The following TBC1D15 variants were observed in gnomAD, a reference collection of about 807,000 sequenced individuals.
The protein encoded by TBC1D15 is GAP for RAB7.
Under a neutral mutation model 95.4 loss-of-function variants are expected in TBC1D15, and 39 were observed. The observed-to-expected ratio is 0.41, with a 90% CI of 0.32 to 0.53. The LOEUF is 0.53. TBC1D15 is among the 20% of genes least tolerant of loss of function. TBC1D15 has a pLI of 0.29. For missense variants in TBC1D15, 733 were observed against 794.3 expected, an observed-to-expected ratio of 0.92 and a Z score of 0.93; for synonymous variants, 258 against 261.3, an observed-to-expected ratio of 0.99 and a Z score of 0.12.
At chr12:71,882,848 C>T (rs2138506784) in intron 4 of TBC1D15, among the ~76,000 whole-genome samples, 1 of 152,184 alleles carries the variant, frequency 6.6e-6, no homozygotes, top group Middle Eastern at 3.4e-3. Context: ...TTTGTCAGGG[C>T]TTTAAATTTA....
Position 71,884,441 on chromosome 12 carries a change from T to C in TBC1D15, c.344-370T>C, listed in dbSNP as rs149615215. On this transcript the variant is annotated intron_variant, in intron 4 of 16. Transcript: ENST00000485960. ...AGTATAATTATCTCCATTTTACAAATGAAGTAACTGAGGCTCAGAGAAATT... is the reference window on the plus strand; with the variant it reads ...AGTATAATTATCTCCATTTTACAAACGAAGTAACTGAGGCTCAGAGAAATT... Among the ~76,000 whole-genome samples, 1,479 of 152,230 alleles carry C rather than the reference T, an allele frequency of 9.7e-3. 30 individuals are homozygous for C. Among genetic ancestry groups the C allele is most frequent in the African/African-American group, 0.033 (1,384 of 41,560 alleles).
intron 1 of TBC1D15, chr12:71,861,434 A>G (rs1379667902): frequency 2.0e-6 from 3 of 1,500,612 alleles, no homozygotes; most frequent in Non-Finnish European, 2.7e-6. Flanking sequence ...TTCAATCTTG[A>G]TAAGTAGTAT....
Position 71,854,605 on chromosome 12 carries a change from A to G in TBC1D15, c.30+14794A>G, listed in dbSNP as rs1248714398. On this transcript the variant is annotated intron_variant, in intron 1 of 16. Coordinates refer to ENST00000485960, the MANE Select transcript of TBC1D15 (RefSeq NM_001146213.3). ...ATATTCAAGAATTTTAACAGATGGT[A>G]TGTATTTAGAGAATGTGCCAGTAGA... 8 of 456,692 alleles carry G rather than the reference A, an allele frequency of 1.8e-5. 1 individual carries two copies. Among genetic ancestry groups the G allele is most frequent in the South Asian group, 1.2e-4 (8 of 64,570 alleles). The allele number at this position is 456,692 out of a possible 1,614,324, so 28.3% of individuals were successfully genotyped here.
chr12:71,884,941 C>T lies in TBC1D15; in HGVS notation c.474C>T (p.Val158=), dbSNP rs1057252106. Reference sequence around the variant, plus strand: ...TGGTATTCTGTCTAAAGGATGACGTCGTTCTCCCTGCTCTACACTTTCATC... The same window carrying T: ...TGGTATTCTGTCTAAAGGATGACGTTGTTCTCCCTGCTCTACACTTTCATC... ...SYLVFCLKDD[V]VLPALHFHQG... is the part of the protein sequence containing the mutation. Residue 158 remains valine (V), a synonymous_variant, in exon 5 of 17, where the codon GTC becomes GTT. Coordinates refer to ENST00000485960, the MANE Select transcript of TBC1D15 (RefSeq NM_001146213.3). The T allele has an allele frequency of 6.2e-6, 10 of 1,613,892 alleles. No homozygotes were observed. Among genetic ancestry groups the T allele is most frequent in the Admixed American group, 1.7e-5 (1 of 60,004 alleles).
At chr12:71,885,125 T>C in intron 5 of TBC1D15, 104 bp downstream of exon 5, 2 of 1,056,524 alleles carry the variant, frequency 1.9e-6, no homozygotes, top group Non-Finnish European at 2.8e-6. Context: ...TATTTGCATA[T>C]GAGGACATGA....
chr12:71,877,194 G>A (rs995855345), intron 3 of TBC1D15, among the ~76,000 whole-genome samples: 2 of 142,682 alleles, frequency 1.4e-5, no homozygotes, highest in African/African-American at 2.7e-5. Flanking sequence ...CCCATGTTAT[G>A]TGTGTGTGTG....
intron 10 of TBC1D15, among the ~76,000 whole-genome samples, chr12:71,903,572 G>T (rs1433126200): frequency 6.6e-6 from 1 of 152,180 alleles, no homozygotes; most frequent in African/African-American, 2.4e-5. Context: ...GCACATGTAT[G>T]TTCATAGCAG....
At chr12:71,890,077 A>G (rs1896946501) in intron 5 of TBC1D15, among the ~76,000 whole-genome samples, 1 of 151,964 alleles carries the variant, frequency 6.6e-6, no homozygotes, top group Non-Finnish European at 1.5e-5. Context: ...TGCCTTTGCT[A>G]TTGTGAATTA....
intron 3 of TBC1D15, among the ~76,000 whole-genome samples, chr12:71,877,557 TTC>T (rs1894212354): frequency 8.0e-6 from 1 of 125,634 alleles, no homozygotes; most frequent in Non-Finnish European, 1.6e-5. Context: ...CCTTCCTTCC[TTC>T]CTTTCTTCTT....
At chr12:71,850,855 C>T (rs1215086123) in intron 1 of TBC1D15, among the ~76,000 whole-genome samples, 17 of 151,594 alleles carry the variant, frequency 1.1e-4, no homozygotes, top group Non-Finnish European at 1.5e-4. Context: ...GGTGTTGTGG[C>T]GCGCGCCTAT....
intron 3 of TBC1D15, 138 bp from the exon 4 acceptor site, chr12:71,880,331 A>G: frequency 1.8e-6 from 1 of 569,506 alleles, no homozygotes; most frequent in Admixed American, 3.8e-5. Context: ...AAGAGAGAAA[A>G]GTATAGGAAA....
intron 11 of TBC1D15, among the ~76,000 whole-genome samples, chr12:71,912,902 T>A (rs1433978077): frequency 6.6e-6 from 1 of 152,134 alleles, no homozygotes; most frequent in African/African-American, 2.4e-5. Flanking sequence ...CAAGAACCTC[T>A]TAAGTCTGAA....
At chr12:71,886,975 C>T (rs976343862) in intron 5 of TBC1D15, among the ~76,000 whole-genome samples, 1 of 151,972 alleles carries the variant, frequency 6.6e-6, no homozygotes, top group Non-Finnish European at 1.5e-5. Context: ...TAGCTCCTCT[C>T]TCCTTTTTAC....
At chr12:71,918,390 C>A in intron 13 of TBC1D15, 61 bp from the exon 14 acceptor site, 1 of 1,060,850 alleles carries the variant, frequency 9.4e-7, no homozygotes, top group Non-Finnish European at 1.4e-6. Flanking sequence ...AGAAAAGTAA[C>A]TGTATTCTGA....
intron 1 of TBC1D15, among the ~76,000 whole-genome samples, chr12:71,856,147 A>G (rs1316427087): frequency 6.6e-6 from 1 of 152,206 alleles, no homozygotes; most frequent in African/African-American, 2.4e-5. Context: ...GGAAGATGAA[A>G]TGAAAACGTC....
intron 1 of TBC1D15, chr12:71,861,473 T>C: frequency 6.5e-7 from 1 of 1,536,570 alleles, no homozygotes; most frequent in South Asian, 1.2e-5. Context: ...ATACTCCAGT[T>C]TGTTGGAGTA....
At chr12:71,899,654 G>C (rs919525226) in intron 10 of TBC1D15, among the ~76,000 whole-genome samples, 2 of 152,144 alleles carry the variant, frequency 1.3e-5, no homozygotes, top group Non-Finnish European at 2.9e-5. Context: ...GACTCTATTG[G>C]AGCATTTTAA....
At chr12:71,890,007 G>GT (rs1896934162) in intron 5 of TBC1D15, among the ~76,000 whole-genome samples, 1 of 152,136 alleles carries the variant, frequency 6.6e-6, no homozygotes, top group African/African-American at 2.4e-5. Flanking sequence ...ATTCCATGGT[G>GT]TATATATACC....
chr12:71,896,192 T>TG, intron 8 of TBC1D15, 117 bp downstream of exon 8: 1 of 859,528 alleles, frequency 1.2e-6, no homozygotes, highest in Non-Finnish European at 1.7e-6. Context: ...TTTTTTTTGG[T>TG]GGGGGAAGTA....
Sources: allele counts gnomAD v4.1 joint callset (sites outside exome capture counted in the v4.1 genomes callset), GRCh38; gene constraint gnomAD v4.1.1; transcripts MANE v1.5; gene names NCBI Gene and HGNC (gene_info 2026-07-23, HGNC 2026-07-21).